The following SPIDR variants were observed in gnomAD, a reference collection of about 807,000 sequenced individuals.
SPIDR encodes scaffold protein involved in DNA repair.
Under a neutral mutation model 104.6 loss-of-function variants are expected in SPIDR, and 93 were observed. The observed-to-expected ratio is 0.89, with a 90% confidence interval of 0.75 to 1.06. The LOEUF is 1.06. Among genes scored for constraint, SPIDR ranks in the 50% least tolerant of loss-of-function variants. The pLI is 0.00. For synonymous variants in SPIDR, 431 were observed against 416.9 expected, an observed-to-expected ratio of 1.03 and a Z score of -0.41; for missense variants, 1,154 against 1,111.2, an observed-to-expected ratio of 1.04 and a Z score of -0.55.
chr8:47,568,653 C>T (rs569526865), intron 8 of SPIDR, among the ~76,000 whole-genome samples: 11 of 152,070 alleles, frequency 7.2e-5, no homozygotes, highest in Non-Finnish European at 1.3e-4. Flanking sequence ...ACACTGGAGC[C>T]AGGGTGAGCA....
intron 10 of SPIDR, among the ~76,000 whole-genome samples, chr8:47,642,472 G>A (rs1239907522): frequency 2.6e-5 from 4 of 151,974 alleles, no homozygotes; most frequent in Admixed American, 2.0e-4. Context: ...TGAGGCCAGT[G>A]AGTGAACCCG....
intron 6 of SPIDR, among the ~76,000 whole-genome samples, chr8:47,406,455 A>G (rs540514308): frequency 6.6e-6 from 1 of 152,324 alleles, no homozygotes; most frequent in African/African-American, 2.4e-5. Flanking sequence ...AATGATATGA[A>G]GAAGGGCTTA....
intron 8 of SPIDR, among the ~76,000 whole-genome samples, chr8:47,573,542 C>T (rs1252862575): frequency 6.6e-6 from 1 of 152,152 alleles, no homozygotes; most frequent in African/African-American, 2.4e-5. Context: ...AGACCAGGGC[C>T]AGGTCTATGT....
At chr8:47,468,939 A>C (rs1554719238) in intron 8 of SPIDR, among the ~76,000 whole-genome samples, 1 of 152,156 alleles carries the variant, frequency 6.6e-6, no homozygotes, top group African/African-American at 2.4e-5. Context: ...TGCAGACTAC[A>C]CATCTGACAA....
At chr8:47,321,030 G>T (rs536336607) in intron 5 of SPIDR, among the ~76,000 whole-genome samples, 98 of 152,136 alleles carry the variant, frequency 6.4e-4, no homozygotes, top group Non-Finnish European at 8.7e-4. Flanking sequence ...TTGAAAACTG[G>T]CACAAGACAG....
intron 8 of SPIDR, among the ~76,000 whole-genome samples, chr8:47,505,419 A>C (rs1344872594): frequency 6.6e-6 from 1 of 152,172 alleles, no homozygotes; most frequent in Non-Finnish European, 1.5e-5. Flanking sequence ...CTCTGTGGGC[A>C]TAGGACCCTC....
chr8:47,340,801 G>T (rs1479573002), intron 5 of SPIDR, among the ~76,000 whole-genome samples: 1 of 152,138 alleles, frequency 6.6e-6, no homozygotes, highest in Non-Finnish European at 1.5e-5. Context: ...TAAAATTCTG[G>T]ATACTAAAGC....
intron 8 of SPIDR, among the ~76,000 whole-genome samples, chr8:47,466,018 G>A (rs141377534): frequency 2.6e-5 from 4 of 152,108 alleles, no homozygotes; most frequent in East Asian, 1.9e-4. Context: ...ACCTAGATCC[G>A]TAAAGCAAGT....
At chr8:47,607,239 G>T (rs1432079879) in intron 10 of SPIDR, among the ~76,000 whole-genome samples, 2 of 152,122 alleles carry the variant, frequency 1.3e-5, no homozygotes, top group Admixed American at 1.3e-4. Context: ...TGTAATTGAT[G>T]CCATAGCCCA....
intron 10 of SPIDR, among the ~76,000 whole-genome samples, chr8:47,670,037 C>A (rs765761337): frequency 1.3e-5 from 2 of 152,038 alleles, no homozygotes; most frequent in Non-Finnish European, 2.9e-5. Flanking sequence ...ACATTTAAAG[C>A]AAAGTCTTGG....
chr8:47,458,217 A>G (rs1038826234), intron 8 of SPIDR, among the ~76,000 whole-genome samples: 1 of 152,136 alleles, frequency 6.6e-6, no homozygotes, highest in African/African-American at 2.4e-5. Flanking sequence ...ATCCATGAGC[A>G]TGGGATGTGT....
chr8:47,725,962 T>G (rs1406723486), intron 16 of SPIDR, among the ~76,000 whole-genome samples: 2 of 152,232 alleles, frequency 1.3e-5, no homozygotes, highest in Non-Finnish European at 2.9e-5. Flanking sequence ...AGTAAACCAG[T>G]GAGTGGGCCT....
At chr8:47,507,690 C>T (rs1443887036) in intron 8 of SPIDR, among the ~76,000 whole-genome samples, 1 of 152,196 alleles carries the variant, frequency 6.6e-6, no homozygotes, top group African/African-American at 2.4e-5. Flanking sequence ...CTGGACATGT[C>T]CTTCTCTGTA....
rs114861640 is a variant in SPIDR at position 47,315,258 on chromosome 8, G to A, written c.525+21228G>A. ...GAATATCATGGGCAACTAAAATAGAGTGTACATTCTATTCAAGTACACATG... is the reference window on the plus strand; with the variant it reads ...GAATATCATGGGCAACTAAAATAGAATGTACATTCTATTCAAGTACACATG... On this transcript the variant is annotated intron_variant, in intron 5 of 19. Coordinates refer to ENST00000297423, the MANE Select transcript of SPIDR (RefSeq NM_001080394.4). Among the ~76,000 whole-genome samples the A allele has an allele frequency of 7.5e-3, 1,137 of 152,068 alleles. 12 individuals are homozygous for A. The highest frequency in any genetic ancestry group is 0.026 in the African/African-American group (1,090 of 41,478).
At chr8:47,662,608 T>G (rs757857397) in intron 10 of SPIDR, among the ~76,000 whole-genome samples, 1 of 152,176 alleles carries the variant, frequency 6.6e-6, no homozygotes, top group Non-Finnish European at 1.5e-5. Flanking sequence ...ATTATTCCCT[T>G]CCTTCCAAGA....
intron 8 of SPIDR, among the ~76,000 whole-genome samples, chr8:47,453,959 C>G (rs1298596171): frequency 6.6e-6 from 1 of 151,950 alleles, no homozygotes; most frequent in Non-Finnish European, 1.5e-5. Flanking sequence ...GAATGGTGAT[C>G]ATTAAAAAGT....
intron 8 of SPIDR, among the ~76,000 whole-genome samples, chr8:47,500,664 G>T (rs554992540): frequency 1.3e-5 from 2 of 152,112 alleles, no homozygotes; most frequent in Non-Finnish European, 2.9e-5. Flanking sequence ...CCATTTGTCA[G>T]TTTTGGCTTT....
chr8:47,353,258 C>G (rs1234963396), intron 5 of SPIDR, among the ~76,000 whole-genome samples: 1 of 151,968 alleles, frequency 6.6e-6, no homozygotes, highest in African/African-American at 2.4e-5. Flanking sequence ...TTTTACTTAC[C>G]TTCTCATTTG....
At chr8:47,526,681 C>T (rs756474360) in intron 8 of SPIDR, among the ~76,000 whole-genome samples, 2 of 152,150 alleles carry the variant, frequency 1.3e-5, no homozygotes, top group Non-Finnish European at 2.9e-5. Flanking sequence ...GGAACTGTAA[C>T]AAGACAGTGT....
Sources: gnomAD v4.1 joint callset for allele counts (sites outside exome capture counted in the v4.1 genomes callset) on GRCh38, gnomAD v4.1.1 for gene constraint, MANE v1.5 for transcripts, NCBI Gene and HGNC (gene_info 2026-07-23, HGNC 2026-07-21) for gene names.